Variants in SPATA13 observed in about 807,000 individuals in gnomAD.
The protein encoded by SPATA13 is spermatogenesis-associated protein 13.
A neutral mutation model predicts 104.0 loss-of-function variants in SPATA13; 50 were observed. The ratio of observed to expected loss-of-function variants is 0.48; its 90% CI spans 0.38 to 0.61. SPATA13 has a LOEUF of 0.61. Ranked by LOEUF, SPATA13 falls within the 20% of genes least tolerant of loss-of-function variation. The pLI is 0.00. For synonymous variants in SPATA13, 606 were observed against 667.5 expected (o/e 0.91, Z 1.42); for missense variants, 1,524 against 1,690.6 (o/e 0.90, Z 1.73).
rs758280335 is a variant in SPATA13 at position 24,251,729 on chromosome 13, G to T, written c.2031G>T (p.Arg677Ser). Reference protein sequence around the residue: ...LDNLLTQPASRPPMPAHQVPP... With the variant: ...LDNLLTQPASSPPMPAHQVPP... Reference sequence around the variant, plus strand: ...CTTTCTTTTTGCAGCCGGCTTCCAGGCCGCCCATGCCTGCTCACCAGGTGC... The same window carrying T: ...CTTTCTTTTTGCAGCCGGCTTCCAGTCCGCCCATGCCTGCTCACCAGGTGC... The change falls in exon 4 of 13, where the codon AGG (arginine) becomes AGT (serine). Residue 677 changes from arginine to serine, a missense_variant. Arg to Ser is a moderately radical substitution (Grantham distance 110). This residue lies in a region of SPATA13 where 1,089 missense variants were observed against 1,135.9 expected (regional missense o/e 0.96). Coordinates refer to ENST00000382108, the MANE Select transcript of SPATA13 (RefSeq NM_001166271.3). The T allele has an allele frequency of 3.7e-6, 6 of 1,613,154 alleles. No homozygotes were observed. The Middle Eastern group carries it at 8.3e-4, about 222-fold the overall frequency.
chr13:24,061,008 C>T (rs1878752912), intron 3 of SPATA13, among the ~76,000 whole-genome samples: 1 of 152,170 alleles, frequency 6.6e-6, no homozygotes, highest in Admixed American at 6.5e-5. Context: ...CACTGCACTC[C>T]AGCTGGGGCA....
intron 3 of SPATA13, among the ~76,000 whole-genome samples, chr13:24,080,474 A>G (rs1275149436): frequency 6.6e-6 from 1 of 152,216 alleles, no homozygotes; most frequent in Non-Finnish European, 1.5e-5. Context: ...AAAAGCTACA[A>G]TCTTGCCACA....
In SPATA13 at chr13:24,045,747, A is replaced by T. The variant is rs543859705; in HGVS notation, c.-112+28046A>T. Reference sequence around the variant, plus strand: ...TGGGAAAAGATCATGTTTGCCCTGCAGAGAGACACAGGCTGAGCCACAGGG... The same window carrying T: ...TGGGAAAAGATCATGTTTGCCCTGCTGAGAGACACAGGCTGAGCCACAGGG... On this transcript the variant is annotated intron_variant, in intron 3 of 14. Transcript: ENST00000424834. Among the ~76,000 whole-genome samples, 64 of 152,278 alleles carry T rather than the reference A, an allele frequency of 4.2e-4. 2 individuals carry two copies. The South Asian group carries it at 0.01, about 25-fold the overall frequency.
At chr13:24,095,925 C>T (rs1355658667) in intron 3 of SPATA13, among the ~76,000 whole-genome samples, 7 of 152,202 alleles carry the variant, frequency 4.6e-5, no homozygotes, top group African/African-American at 1.7e-4. Flanking sequence ...TTCCTTCAGA[C>T]GAGAACCTAG....
rs17080422 is a variant in SPATA13, at chr13:24,211,784, A to T, written c.-111-11035A>T. On this transcript the variant is annotated intron_variant, in intron 1 of 12. Coordinates refer to ENST00000382108, the MANE Select transcript of SPATA13 (RefSeq NM_001166271.3). ...TCTGCTGCCGGCTCCCATGACCTTT[A>T]GAGTAAACCCCAATCAAAGGCCTAG... is the stretch of plus-strand genomic sequence containing the variant. 3.8e-3 allele frequency among the ~76,000 whole-genome samples: 576 copies of T among 152,222 alleles called. 20 individuals are homozygous for T. The East Asian group carries it at 0.086, about 23-fold the overall frequency.
chr13:24,020,994 TCGAGACACTGCACTC>T (rs1876949522), intron 3 of SPATA13, among the ~76,000 whole-genome samples: 1 of 152,088 alleles, frequency 6.6e-6, no homozygotes. Context: ...AGGGCCTAGA[TCGAGACACTGCACTC>T]CAGCCTGTGT....
intron 2 of SPATA13, among the ~76,000 whole-genome samples, chr13:24,229,821 A>G (rs1332489219): frequency 6.6e-6 from 1 of 152,190 alleles, no homozygotes; most frequent in Non-Finnish European, 1.5e-5. Flanking sequence ...GTTAGGTATG[A>G]CTCTATAGGG....
At chr13:24,189,481 C>A (rs559511034) in intron 1 of SPATA13, among the ~76,000 whole-genome samples, 1,193 of 51,102 alleles carry the variant, frequency 0.023, 24 homozygotes, top group African/African-American at 0.044. Context: ...CTCTCTCTCT[C>A]TCTATATATA....
chr13:23,999,368 C>A (rs1381188703), intron 2 of SPATA13, among the ~76,000 whole-genome samples: 28 of 94,376 alleles, frequency 3.0e-4, no homozygotes, highest in African/African-American at 6.2e-4. Context: ...CATTTTCTAC[C>A]AAAAAAAAAA....
At chr13:24,294,995 A>G in intron 10 of SPATA13, 127 bp downstream of exon 10, 1 of 917,302 alleles carries the variant, frequency 1.1e-6, no homozygotes, top group Non-Finnish European at 1.5e-6. Context: ...TACATATACC[A>G]TTAATGGTAA....
chr13:24,160,829 A>T lies in SPATA13; in HGVS notation c.-215A>T, dbSNP rs1455705859. ...GCACTGGATCCCAGGCTCCTCCGAG[A>T]GTGCGGCGACCTCGGGGCTCCGCCG... On this transcript the variant is annotated 5_prime_UTR_variant, in exon 1 of 13. Coordinates refer to ENST00000382108, the MANE Select transcript of SPATA13 (RefSeq NM_001166271.3). The T allele has an allele frequency of 1.0e-6, 1 of 985,068 alleles. No individual in the cohort carries two copies. Among genetic ancestry groups the T allele is most frequent in the African/African-American group, 1.7e-5 (1 of 57,150 alleles). 61.0% of individuals were successfully genotyped at this position (985,068 alleles called of 1,614,324 possible).
rs187343892 is a variant in SPATA13, at chr13:24,038,103, C to T, written c.-112+20402C>T. ...ATTTTTTGTATTTTTTTAGTAGAGA[C>T]GGGGTTTCACCGTGTTAGCCAGGAT... On this transcript the variant is annotated intron_variant, in intron 3 of 14. Coordinates refer to the SPATA13 transcript ENST00000424834. 4.6e-5 allele frequency among the ~76,000 whole-genome samples: 7 copies of T among 151,362 alleles called. No homozygotes were observed. The South Asian group carries it at 6.3e-4, about 14-fold the overall frequency.
At chr13:24,168,582 G>A (rs1317852772) in intron 1 of SPATA13, among the ~76,000 whole-genome samples, 1 of 152,142 alleles carries the variant, frequency 6.6e-6, no homozygotes, top group East Asian at 1.9e-4. Flanking sequence ...AAGCAGCCCA[G>A]TATGATGGTA....
Position 24,004,315 on chromosome 13 carries a change from C to G in SPATA13, c.-146-13352C>G, listed in dbSNP as rs528104186. Among the ~76,000 whole-genome samples the G allele has an allele frequency of 3.3e-3, 506 of 152,338 alleles. 3 individuals carry two copies. The highest frequency in any genetic ancestry group is 5.3e-3 in the Non-Finnish European group (361 of 68,036). On this transcript the variant is annotated intron_variant, in intron 2 of 14. Coordinates refer to the SPATA13 transcript ENST00000424834. ...TCCCGGTTCTTGTACCAACACCTAT[C>G]TGCGCACTTTGAACAGATACCATTT...
intron 4 of SPATA13, chr13:24,271,059 ACT>A (rs941130113): frequency 1.7e-5 from 10 of 575,724 alleles, no homozygotes; most frequent in African/African-American, 1.5e-4. Context: ...TCTCTCTCTC[ACT>A]CTCTCTCTTT....
At chr13:24,096,095 T>C (rs960657576) in intron 3 of SPATA13, among the ~76,000 whole-genome samples, 2 of 152,228 alleles carry the variant, frequency 1.3e-5, no homozygotes, top group Non-Finnish European at 2.9e-5. Context: ...CATCAGGCCA[T>C]GCCTTGTTGT....
intron 2 of SPATA13, among the ~76,000 whole-genome samples, chr13:23,995,352 G>T (rs2765160): frequency 0.36 from 54,206 of 152,048 alleles, 10,172 homozygotes; most frequent in Non-Finnish European, 0.41. Flanking sequence ...GAATCCCATT[G>T]AACGGGATTT....
chr13:24,223,290 G>C lies in SPATA13; in HGVS notation c.361G>C (p.Val121Leu), dbSNP rs778846526. Residue 121 changes from valine to leucine, a missense_variant, in exon 2 of 13, where the codon GTC becomes CTC. By Grantham distance (32) the Val-to-Leu change is conservative. This residue lies in a region of SPATA13 where 1,089 missense variants were observed against 1,135.9 expected (regional missense o/e 0.96). Transcript: ENST00000382108. ...ATCCTTTAAGAAACTGAAGTCCTCAGTCCTGAAAGGAATTCAGAGCCGAGA... is the reference window on the plus strand; with the variant it reads ...ATCCTTTAAGAAACTGAAGTCCTCACTCCTGAAAGGAATTCAGAGCCGAGA... ...MGSFKKLKSSVLKGIQSREGS... is the reference protein window; with the variant it reads ...MGSFKKLKSSLLKGIQSREGS... 5.2e-6 allele frequency: 8 copies of C among 1,551,608 alleles called. No homozygotes were observed. In the South Asian group the frequency reaches 8.3e-5, roughly 16 times the overall value.
At chr13:24,111,949 G>A (rs764143135) in intron 3 of SPATA13, among the ~76,000 whole-genome samples, 11 of 152,168 alleles carry the variant, frequency 7.2e-5, no homozygotes, top group African/African-American at 1.7e-4. Flanking sequence ...TCCAATCAGC[G>A]GAAGCACTTT....
Sources: gnomAD v4.1 joint callset for allele counts (sites outside exome capture counted in the v4.1 genomes callset) on GRCh38, gnomAD v4.1.1 for gene constraint, gnomAD v4.1.1 regional missense constraint, MANE v1.5 for transcripts, NCBI Gene and HGNC (gene_info 2026-07-23, HGNC 2026-07-21) for gene names.